Variants in CCDC32 observed in about 807,000 individuals in gnomAD.
The protein encoded by CCDC32 is coiled-coil domain-containing protein 32.
CCDC32 carries 9 observed loss-of-function variants against 20.1 expected under a neutral mutation model. That is an observed-to-expected ratio of 0.45 (90% CI 0.27 to 0.78). The LOEUF (loss-of-function observed/expected upper bound fraction) is 0.78, where lower values mean the gene tolerates loss of function less well. Ranked by LOEUF, CCDC32 falls within the 30% of genes least tolerant of loss-of-function variation. The pLI is 0.16. For synonymous variants in CCDC32, 63 were observed against 79.0 expected, an observed-to-expected ratio of 0.80 and a Z score of 1.07; for missense variants, 204 against 215.5, an observed-to-expected ratio of 0.95 and a Z score of 0.33.
chr15:40,556,038 T>G (rs1435136986), intron 3 of CCDC32, among the ~76,000 whole-genome samples: 1 of 152,246 alleles, frequency 6.6e-6, no homozygotes, highest in African/African-American at 2.4e-5. Context: ...TAACAACTTA[T>G]GAGGTAAGAG....
intron 3 of CCDC32, among the ~76,000 whole-genome samples, chr15:40,542,766 G>A (rs1889449420): frequency 6.6e-6 from 1 of 152,026 alleles, no homozygotes; most frequent in Non-Finnish European, 1.5e-5. Context: ...CTACTCAGGA[G>A]GTTGAGGCAG....
chr15:40,560,739 G>A (rs1289362793), intron 2 of CCDC32, among the ~76,000 whole-genome samples: 2 of 152,122 alleles, frequency 1.3e-5, no homozygotes, highest in African/African-American at 4.8e-5. Flanking sequence ...GCACGGATGT[G>A]GTAAAAAGAG....
chr15:40,545,043 G>A (rs1480392939), intron 3 of CCDC32, among the ~76,000 whole-genome samples: 2 of 152,140 alleles, frequency 1.3e-5, no homozygotes, highest in Non-Finnish European at 2.9e-5. Flanking sequence ...AGAGGAAAAA[G>A]AAACCAACAA....
chr15:40,564,031 A>G (rs8034401), intron 1 of CCDC32, among the ~76,000 whole-genome samples: 133,701 of 151,440 alleles, frequency 0.88, 59,323 homozygotes, highest in Non-Finnish European at 0.93. Flanking sequence ...CCGTTTAGCC[A>G]GGGTGGTCTC....
downstream of CCDC32, among the ~76,000 whole-genome samples, chr15:40,524,305 C>T (rs1012444871): frequency 7.9e-5 from 12 of 151,424 alleles, no homozygotes; most frequent in South Asian, 2.1e-4. Context: ...TATAGGCACC[C>T]GCCACCACGC....
downstream of CCDC32, among the ~76,000 whole-genome samples, chr15:40,530,030 A>G (rs1888827077): frequency 6.6e-6 from 1 of 151,062 alleles, no homozygotes. Flanking sequence ...GATGGCTCAC[A>G]CCTGCAATCC....
At chr15:40,551,109 A>G (rs1164383976), downstream of CCDC32, among the ~76,000 whole-genome samples, 2 of 152,122 alleles carry the variant, frequency 1.3e-5, no homozygotes, top group Non-Finnish European at 2.9e-5. Flanking sequence ...CTGGCAGGGC[A>G]CGGTGGCTGA....
At chr15:40,534,951 T>C, downstream of CCDC32, 1 of 702,580 alleles carries the variant, frequency 1.4e-6, no homozygotes, top group Non-Finnish European at 2.6e-6. Flanking sequence ...GGCTGTATGA[T>C]CTGCCACTTG....
chr15:40,563,891 G>A (rs1265779308), intron 1 of CCDC32, among the ~76,000 whole-genome samples: 2 of 151,452 alleles, frequency 1.3e-5, no homozygotes, highest in Non-Finnish European at 2.9e-5. Context: ...CGCTAACTTG[G>A]CTCACTGCAA....
downstream of CCDC32, chr15:40,534,554 G>T: frequency 4.7e-6 from 1 of 213,480 alleles, no homozygotes; most frequent in Non-Finnish European, 9.4e-6. Flanking sequence ...GAGGGAAACT[G>T]CCCCCTTGAT....
chr15:40,541,617 C>T (rs149615550), intron 3 of CCDC32, among the ~76,000 whole-genome samples: 2,324 of 152,298 alleles, frequency 0.015, 22 homozygotes, highest in Middle Eastern at 0.051. Flanking sequence ...CAGGCCACCG[C>T]GCTTAGCCTA....
chr15:40,545,174 CA>C (rs1660777050), intron 3 of CCDC32, among the ~76,000 whole-genome samples: 1 of 152,224 alleles, frequency 6.6e-6, no homozygotes, highest in Non-Finnish European at 1.5e-5. Flanking sequence ...GATCAGGCAC[CA>C]TGCTGAAGAC....
intron 3 of CCDC32, among the ~76,000 whole-genome samples, chr15:40,542,241 T>C (rs534793142): frequency 6.6e-6 from 1 of 152,364 alleles, no homozygotes; most frequent in East Asian, 1.9e-4. Context: ...TAATTGGTCT[T>C]CCTGAAACTC....
At chr15:40,546,977 A>G (rs1490124815) in intron 3 of CCDC32, among the ~76,000 whole-genome samples, 1 of 152,194 alleles carries the variant, frequency 6.6e-6, no homozygotes, top group Non-Finnish European at 1.5e-5. Flanking sequence ...TGCTAGGATT[A>G]CAAGTGTGAG....
intron 1 of CCDC32, among the ~76,000 whole-genome samples, chr15:40,564,057 T>C (rs1297386055): frequency 1.3e-5 from 2 of 152,106 alleles, no homozygotes; most frequent in Non-Finnish European, 2.9e-5. Context: ...CCTGATCTTG[T>C]GATCCGCCCG....
rs193122444 is a variant in CCDC32, at chr15:40,559,451, T to C, written c.245-2079A>G. On this transcript the variant is annotated intron_variant, in intron 2 of 3. Coordinates refer to ENST00000416810, the MANE Select transcript of CCDC32 (RefSeq NM_001080792.4). ...CAACAAGCCAAGGGATCTCGTTCTA[T>C]AGCTTTATCCAATTGTTGCCTCTTC... 3.3e-5 allele frequency among the ~76,000 whole-genome samples: 5 copies of C among 152,330 alleles called. No individual in the cohort carries two copies. In the East Asian group the frequency reaches 9.6e-4, roughly 29 times the overall value.
rs778746785 is a variant in CCDC32, at chr15:40,557,207, A to C, written c.401+9T>G. The C allele has an allele frequency of 6.2e-7, 1 of 1,604,056 alleles. No individual in the cohort carries two copies. The highest frequency in any genetic ancestry group is 1.3e-5 in the African/African-American group (1 of 74,546). ...GATTTCAGCTGGAACTAGACGGGGA[A>C]TCGATTACCTCTCATCAGAATCAAG... On this transcript the variant is annotated intron_variant, in intron 3 of 3. Transcript: ENST00000416810.
At chr15:40,547,164 T>C (rs1889656296) in intron 3 of CCDC32, among the ~76,000 whole-genome samples, 1 of 152,108 alleles carries the variant, frequency 6.6e-6, no homozygotes, top group Non-Finnish European at 1.5e-5. Flanking sequence ...TTGGGTTTGG[T>C]TGTGCTCTCA....
At chr15:40,559,253 T>C (rs916661833) in intron 2 of CCDC32, among the ~76,000 whole-genome samples, 7 of 152,190 alleles carry the variant, frequency 4.6e-5, no homozygotes, top group Non-Finnish European at 8.8e-5. Context: ...TTCAGGCTAA[T>C]TTTTAAAAAT....
Sources: gnomAD v4.1 joint callset for allele counts (sites outside exome capture counted in the v4.1 genomes callset) on GRCh38, gnomAD v4.1.1 for gene constraint, MANE v1.5 for transcripts, NCBI Gene and HGNC (gene_info 2026-07-23, HGNC 2026-07-21) for gene names.